Variants in MMP16 observed in about 807,000 individuals in gnomAD.
The protein encoded by MMP16 is matrix metalloproteinase-16.
In MMP16, 12 loss-of-function variants were observed where a neutral mutation model predicts 67.8. The observed-to-expected ratio is 0.18, with a 90% CI of 0.11 to 0.29. The LOEUF (loss-of-function observed/expected upper bound fraction) is 0.29, where lower values mean the gene tolerates loss of function less well. Ranked by LOEUF, MMP16 falls within the 10% of genes least tolerant of loss-of-function variation. The pLI, the probability that MMP16 is intolerant of heterozygous loss-of-function variation, is 1.00. For synonymous variants in MMP16, 249 were observed against 255.9 expected (o/e 0.97, Z 0.26); for missense variants, 475 against 765.7 (o/e 0.62, Z 4.48).
Position 88,310,338 on chromosome 8 carries a change from C to T in MMP16, c.132+16737G>A, listed in dbSNP as rs181142753. 1.1e-4 allele frequency among the ~76,000 whole-genome samples: 16 copies of T among 152,144 alleles called. No individual in the cohort carries two copies. In the East Asian group the frequency reaches 2.7e-3, roughly 26 times the overall value. ...TTAAAATCTCAAAGTCCAAGGTGCT[C>T]ACCAGTTGACCATTAATAACTAAGA... On this transcript the variant is annotated intron_variant, in intron 1 of 9. Transcript: ENST00000286614.
chr8:88,300,861 CCA>C (rs1189436260), intron 1 of MMP16, among the ~76,000 whole-genome samples: 2 of 151,886 alleles, frequency 1.3e-5, no homozygotes, highest in Non-Finnish European at 2.9e-5. Context: ...AGTAACTCTT[CCA>C]CCAGCTAATG....
At chr8:88,070,907 G>C (rs1413736291) in intron 7 of MMP16, among the ~76,000 whole-genome samples, 2 of 152,040 alleles carry the variant, frequency 1.3e-5, no homozygotes, top group Non-Finnish European at 2.9e-5. Context: ...TTCTTGGCTG[G>C]AAGCAGAATC....
intron 1 of MMP16, among the ~76,000 whole-genome samples, chr8:88,228,164 T>C (rs1809800227): frequency 6.6e-6 from 1 of 152,120 alleles, no homozygotes; most frequent in South Asian, 2.1e-4. Context: ...CATTCTCATA[T>C]GCTGCTAATG....
At position 88,106,051 on chromosome 8, in the gene MMP16, G is replaced by GTGTA. The variant is rs993318577; in HGVS notation, c.1083+10455_1083+10456insTACA. Among the ~76,000 whole-genome samples, 112 of 145,426 alleles carry GTGTA rather than the reference G, an allele frequency of 7.7e-4. 1 individual carries two copies. Among genetic ancestry groups the GTGTA allele is most frequent in the African/African-American group, 2.6e-3 (104 of 39,726 alleles). Reference sequence around the variant, plus strand: ...ACGTGTATATATATTTACACGTTATGTATATATATATATATATATATATGT... The same window carrying GTGTA: ...ACGTGTATATATATTTACACGTTATGTGTATATATATATATATATATATATATGT... On this transcript the variant is annotated intron_variant, in intron 6 of 9. Transcript: ENST00000286614.
In MMP16 at chr8:88,046,753, T is replaced by C. The variant is rs997950104; in HGVS notation, c.1405A>G (p.Met469Val). 6 of 1,610,284 alleles carry C rather than the reference T, an allele frequency of 3.7e-6. No individual in the cohort carries two copies. Among genetic ancestry groups the C allele is most frequent in the African/African-American group, 1.3e-5 (1 of 74,866 alleles). ...ATTGGCTTGGGATAGCCAGGGTCCA[T>C]TGTTTTCATTTCTTCACTATATCTC... ...YWRYSEEMKT[M>V]DPGYPKPITV... is the part of the protein sequence containing the mutation. The change falls in exon 9 of 10, where the codon ATG becomes GTG. Residue 469 changes from methionine (M) to valine (V), a missense_variant. This residue lies in a region of MMP16 where 23 missense variants were observed against 79.1 expected (regional missense o/e 0.29). Coordinates refer to ENST00000286614, the MANE Select transcript of MMP16 (RefSeq NM_005941.5).
At chr8:88,262,695 G>C (rs1810405193) in intron 1 of MMP16, among the ~76,000 whole-genome samples, 1 of 151,800 alleles carries the variant, frequency 6.6e-6, no homozygotes, top group African/African-American at 2.4e-5. Flanking sequence ...TGGCAATTTT[G>C]GAGTAAGTTA....
At chr8:88,253,930 T>C (rs1229618907) in intron 1 of MMP16, among the ~76,000 whole-genome samples, 1 of 152,052 alleles carries the variant, frequency 6.6e-6, no homozygotes, top group Non-Finnish European at 1.5e-5. Flanking sequence ...TGCCTTGAGA[T>C]ACCATTTGAC....
At position 88,041,583 on chromosome 8, in the gene MMP16, C is replaced by A. The variant is rs1340076048; in HGVS notation, c.1702G>T (p.Val568Phe). The change falls in exon 10 of 10, where the codon GTC becomes TTC. Residue 568 changes from valine to phenylalanine, a missense_variant. Coordinates refer to ENST00000286614, the MANE Select transcript of MMP16 (RefSeq NM_005941.5). The surrounding 1 kb of genome is among the most constrained non-coding windows in gnomAD (Gnocchi z 6.0). Reference protein sequence around the residue: ...TASTVKAIAIVIPCILALCLL... With the variant: ...TASTVKAIAIFIPCILALCLL... ...CATAAGGCCAAGATGCAGGGAATGACAATAGCTATGGCTTTCACAGTGCTG... is the reference window on the plus strand; with the variant it reads ...CATAAGGCCAAGATGCAGGGAATGAAAATAGCTATGGCTTTCACAGTGCTG... 1.2e-6 allele frequency: 2 copies of A among 1,614,132 alleles called. No individual in the cohort carries two copies. Among genetic ancestry groups the A allele is most frequent in the Non-Finnish European group, 1.7e-6 (2 of 1,180,004 alleles).
At chr8:88,186,350 C>A (rs1809072620) in intron 3 of MMP16, 126 bp downstream of exon 3, 1 of 1,275,898 alleles carries the variant, frequency 7.8e-7, no homozygotes, top group Non-Finnish European at 1.1e-6. Context: ...TTTTAAATCT[C>A]TTATGTTAAC....
chr8:88,116,574 T>G lies in MMP16; in HGVS notation c.1016A>C (p.Lys339Thr). The G allele has an allele frequency of 6.2e-7, 1 of 1,613,754 alleles. No individual in the cohort carries two copies. Among genetic ancestry groups the G allele is most frequent in the Non-Finnish European group, 8.5e-7 (1 of 1,179,868 alleles). ...AAAGTTCCCATCACAGATGTTGGGT[T>G]TGGCTCCGGGATAGGAGGGTCTGCC... ...PTGRPSYPGA[K>T]PNICDGNFNT... The change falls in exon 6 of 10, where the codon AAA becomes ACA. Residue 339 changes from lysine (K) to threonine (T), a missense_variant. By Grantham distance (78) the Lys-to-Thr change is moderately conservative. Transcript: ENST00000286614.
chr8:88,228,930 A>T (rs1246732460), intron 1 of MMP16, among the ~76,000 whole-genome samples: 1 of 151,910 alleles, frequency 6.6e-6, no homozygotes, highest in Non-Finnish European at 1.5e-5. Context: ...GGAAGCCAAG[A>T]TGAGATGATC....
At chr8:88,266,203 C>T (rs1436360051) in intron 1 of MMP16, among the ~76,000 whole-genome samples, 1 of 152,150 alleles carries the variant, frequency 6.6e-6, no homozygotes, top group Admixed American at 6.5e-5. Flanking sequence ...CTGTGGAGTA[C>T]AACCCACGAT....
intron 7 of MMP16, among the ~76,000 whole-genome samples, chr8:88,073,932 T>G (rs1014975627): frequency 3.9e-5 from 6 of 152,220 alleles, no homozygotes; most frequent in Admixed American, 6.5e-5. Flanking sequence ...CAACTCAATC[T>G]GCCTCTTGTC....
chr8:88,086,533 C>G (rs774862072), intron 6 of MMP16, among the ~76,000 whole-genome samples: 2 of 151,846 alleles, frequency 1.3e-5, no homozygotes, highest in Non-Finnish European at 2.9e-5. Flanking sequence ...GTGTAAAATG[C>G]TATTCTTGCT....
intron 3 of MMP16, among the ~76,000 whole-genome samples, chr8:88,174,456 A>G (rs896266629): frequency 6.6e-6 from 1 of 152,224 alleles, no homozygotes; most frequent in African/African-American, 2.4e-5. Flanking sequence ...GTTTGGAATT[A>G]ATGAATTTAT....
At chr8:88,282,093 G>C (rs58605417) in intron 1 of MMP16, among the ~76,000 whole-genome samples, 82,853 of 135,932 alleles carry the variant, frequency 0.61, 28,677 homozygotes, top group East Asian at 0.85. Context: ...GGGGGGGGGG[G>C]GGCGACGGGG....
At chr8:88,102,542 T>C (rs1324458866) in intron 6 of MMP16, among the ~76,000 whole-genome samples, 1 of 151,720 alleles carries the variant, frequency 6.6e-6, no homozygotes, top group East Asian at 2.0e-4. Flanking sequence ...GGCTTCATTA[T>C]GTAAGCATGA....
intron 1 of MMP16, among the ~76,000 whole-genome samples, chr8:88,263,947 A>G (rs1810430088): frequency 6.8e-6 from 1 of 146,068 alleles, no homozygotes; most frequent in South Asian, 2.2e-4. Flanking sequence ...CCTCCCTACA[A>G]AAATGGCATA....
At chr8:88,174,994 T>C (rs926382001) in intron 3 of MMP16, among the ~76,000 whole-genome samples, 1 of 152,108 alleles carries the variant, frequency 6.6e-6, no homozygotes, top group African/African-American at 2.4e-5. Context: ...CCTCAAGTGA[T>C]ATGTCCACCT....
Sources: gnomAD v4.1 joint callset for allele counts (sites outside exome capture counted in the v4.1 genomes callset) on GRCh38, gnomAD v4.1.1 for gene constraint, gnomAD v4.1.1 regional missense constraint, Gnocchi (gnomAD v3.1) non-coding constraint, MANE v1.5 for transcripts, NCBI Gene and HGNC (gene_info 2026-07-23, HGNC 2026-07-21) for gene names.